The following PEX39 variants were observed in gnomAD, a reference collection of about 807,000 sequenced individuals.
The protein encoded by PEX39 is peroxisomal biogenesis factor 39, also known as peroxin-39.
At chr6:42,890,639 T>TGTGGGTTCGCC in the PEX39 span, 10 of 1,612,596 alleles carry the variant, frequency 6.2e-6, no homozygotes, top group Admixed American at 1.7e-5. Context: ...GCCGGGACGC[T>TGTGGGTTCGCC]GTGGGTTCGC....
chr6:42,890,316 T>G, the PEX39 span: 1 of 517,398 alleles, frequency 1.9e-6, no homozygotes, highest in Non-Finnish European at 3.2e-6. Flanking sequence ...GGATTTTTCT[T>G]AACTGTAACA....
the PEX39 span, chr6:42,890,459 C>A: frequency 6.7e-7 from 1 of 1,496,828 alleles, no homozygotes. Flanking sequence ...CCCTCCAGAT[C>A]GCCGCCGCAA....
chr6:42,890,632 G>A, the PEX39 span: 1 of 1,612,656 alleles, frequency 6.2e-7, no homozygotes, highest in African/African-American at 1.3e-5. Flanking sequence ...CGCGGCAGCC[G>A]GGACGCTGTG....
chr6:42,890,785 C>G, the PEX39 span: 1 of 1,572,182 alleles, frequency 6.4e-7, no homozygotes, highest in African/African-American at 1.4e-5. Flanking sequence ...CGGGGACGCT[C>G]CATGTCGGGT....
the PEX39 span, chr6:42,890,388 A>G: frequency 2.5e-6 from 3 of 1,223,200 alleles, no homozygotes; most frequent in Non-Finnish European, 3.3e-6. Flanking sequence ...TAGTTGAGAC[A>G]GGTCAGGACG....
the PEX39 span, chr6:42,890,665 T>C: frequency 6.2e-7 from 1 of 1,612,720 alleles, no homozygotes; most frequent in Non-Finnish European, 8.5e-7. Context: ...ATCGCCGCGA[T>C]GTGGCGTTTC....
chr6:42,890,444 C>T, the PEX39 span: 33 of 1,490,428 alleles, frequency 2.2e-5, no homozygotes, highest in Non-Finnish European at 2.9e-5. Flanking sequence ...GGTCCTGTAG[C>T]CACGCCCTCC....
At chr6:42,890,565 A>C in the PEX39 span, 1 of 1,606,586 alleles carries the variant, frequency 6.2e-7, no homozygotes, top group Non-Finnish European at 8.5e-7. Flanking sequence ...TCCTATCCTG[A>C]GGGTCGGAGG....
chr6:42,890,597 C>G, the PEX39 span: 1 of 1,611,804 alleles, frequency 6.2e-7, no homozygotes, highest in East Asian at 2.2e-5. Context: ...CAGCCAAAGC[C>G]GCGGCCTCCC....
chr6:42,890,688 A>G, the PEX39 span: 1 of 1,612,606 alleles, frequency 6.2e-7, no homozygotes, highest in Non-Finnish European at 8.5e-7. Context: ...CAGGCCCGGG[A>G]GTTCCTGGCC....
At chr6:42,890,779 G>T in the PEX39 span, 9 of 1,588,012 alleles carry the variant, frequency 5.7e-6, no homozygotes, top group Non-Finnish European at 7.7e-6. Flanking sequence ...GGACTGCGGG[G>T]ACGCTCCATG....
chr6:42,890,788 T>A, the PEX39 span: 2 of 1,568,928 alleles, frequency 1.3e-6, no homozygotes, highest in Non-Finnish European at 1.7e-6. Flanking sequence ...GGACGCTCCA[T>A]GTCGGGTCGC....
chr6:42,890,352 CCCCATGGTGGTTG>C, the PEX39 span: 1 of 798,720 alleles, frequency 1.3e-6, no homozygotes. Context: ...AATGCAAAAC[CCCCATGGTGGTTG>C]CAGGAGCAAG....
chr6:42,890,445 C>T, the PEX39 span: 36 of 1,490,776 alleles, frequency 2.4e-5, no homozygotes, highest in Non-Finnish European at 2.7e-5. Flanking sequence ...GTCCTGTAGC[C>T]ACGCCCTCCA....
the PEX39 span, chr6:42,890,753 CG>C: frequency 6.2e-7 from 1 of 1,604,544 alleles, no homozygotes; most frequent in Non-Finnish European, 8.5e-7. Context: ...AGGCAGAGGC[CG>C]GGGCCGAGCA....
the PEX39 span, chr6:42,890,395 G>A: frequency 7.6e-7 from 1 of 1,323,002 alleles, no homozygotes; most frequent in African/African-American, 1.5e-5. Context: ...GACAGGTCAG[G>A]ACGAAAGCAT....
the PEX39 span, chr6:42,890,813 G>C: frequency 6.5e-7 from 1 of 1,548,042 alleles, no homozygotes; most frequent in Non-Finnish European, 8.7e-7. Flanking sequence ...CCTGACCGGC[G>C]TGTAATGCAG....
the PEX39 span, chr6:42,890,675 CTCCAGGCCCGGGAGT>C: frequency 6.2e-7 from 1 of 1,612,858 alleles, no homozygotes; most frequent in Non-Finnish European, 8.5e-7. Flanking sequence ...TGTGGCGTTT[CTCCAGGCCCGGGAGT>C]TCCTGGCCCT....
chr6:42,890,654 G>C, the PEX39 span: 2 of 1,612,822 alleles, frequency 1.2e-6, no homozygotes, highest in South Asian at 2.2e-5. Flanking sequence ...GTTCGCCGTG[G>C]ATCGCCGCGA....
Sources: gnomAD v4.1 joint callset for allele counts on GRCh38, gnomAD v4.1.1 for gene constraint, MANE v1.5 for transcripts, NCBI Gene and HGNC (gene_info 2026-07-23, HGNC 2026-07-21) for gene names.